Variants in ASIC2 observed in about 807,000 individuals in gnomAD.
The protein encoded by ASIC2 is acid sensing ion channel subunit 2.
ASIC2 carries 25 observed loss-of-function variants against 57.3 expected under a neutral mutation model. The observed-to-expected ratio is 0.44, with a 90% CI of 0.32 to 0.61. The LOEUF (loss-of-function observed/expected upper bound fraction) is 0.61. ASIC2 is among the 20% of genes least tolerant of loss of function. The probability of loss-of-function intolerance (pLI) is 0.06; values close to 1 mark genes in which losing one functional copy is unlikely to be tolerated. For missense variants in ASIC2, 641 were observed against 738.1 expected, an observed-to-expected ratio of 0.87 and a Z score of 1.52; for synonymous variants, 319 against 307.5, an observed-to-expected ratio of 1.04 and a Z score of -0.39.
chr17:33,738,648 A>G (rs2142096053), intron 1 of ASIC2, among the ~76,000 whole-genome samples: 1 of 152,150 alleles, frequency 6.6e-6, no homozygotes, highest in Non-Finnish European at 1.5e-5. Flanking sequence ...CTATCCCCAC[A>G]TCTACCAATT....
chr17:33,635,973 T>C (rs1022563776), intron 1 of ASIC2, among the ~76,000 whole-genome samples: 1 of 152,220 alleles, frequency 6.6e-6, no homozygotes, highest in Non-Finnish European at 1.5e-5. Flanking sequence ...TACAAAGTAA[T>C]AGTATGCAAC....
At position 33,044,690 on chromosome 17, in the gene ASIC2, T is replaced by C. The variant is rs150601033; in HGVS notation, c.988-16298A>G. The stretch of plus-strand genomic sequence containing the variant: ...TAAACATTTATTAAGCACTAATCTG[T>C]TCCAGAAACACTGCTAGGAATTGAG... On this transcript the variant is annotated intron_variant, in intron 3 of 9. Coordinates refer to ENST00000225823, the MANE Select transcript of ASIC2 (RefSeq NM_183377.2). Among the ~76,000 whole-genome samples the C allele has an allele frequency of 7.2e-5, 11 of 152,332 alleles. No individual in the cohort carries two copies. The East Asian group carries it at 2.1e-3, about 29-fold the overall frequency.
intron 1 of ASIC2, among the ~76,000 whole-genome samples, chr17:33,966,469 C>T (rs1173870557): frequency 6.6e-6 from 1 of 152,174 alleles, no homozygotes; most frequent in East Asian, 1.9e-4. Flanking sequence ...CACATTCATT[C>T]TGAAAACAAA....
chr17:33,563,094 C>T (rs991224901), intron 1 of ASIC2, among the ~76,000 whole-genome samples: 1 of 152,156 alleles, frequency 6.6e-6, no homozygotes, highest in Non-Finnish European at 1.5e-5. Flanking sequence ...CACAGCCAGC[C>T]ACCCGTCAAA....
At chr17:33,417,083 C>G (rs1232021583) in intron 1 of ASIC2, among the ~76,000 whole-genome samples, 1 of 152,156 alleles carries the variant, frequency 6.6e-6, no homozygotes. Flanking sequence ...GTAAAAGCAG[C>G]TCTTTACTGA....
intron 1 of ASIC2, among the ~76,000 whole-genome samples, chr17:33,839,182 G>A (rs776393106): frequency 8.5e-5 from 13 of 152,196 alleles, no homozygotes; most frequent in Admixed American, 3.9e-4. Flanking sequence ...ATTCTGGGGA[G>A]CATCTAAGAG....
chr17:33,577,609 A>G (rs1391653751), intron 1 of ASIC2, among the ~76,000 whole-genome samples: 3 of 152,172 alleles, frequency 2.0e-5, no homozygotes, highest in Non-Finnish European at 4.4e-5. Flanking sequence ...GAGCATTCTT[A>G]CCAACCACAG....
At chr17:33,105,271 C>T (rs1272101523) in intron 2 of ASIC2, among the ~76,000 whole-genome samples, 4 of 152,162 alleles carry the variant, frequency 2.6e-5, no homozygotes, top group African/African-American at 9.7e-5. Context: ...GTAGGTTTTA[C>T]TGTGCTGTTG....
chr17:34,066,022 A>G (rs2142064060), intron 1 of ASIC2, among the ~76,000 whole-genome samples: 1 of 152,194 alleles, frequency 6.6e-6, no homozygotes, highest in South Asian at 2.1e-4. Context: ...GTTAAGTACT[A>G]TTTTTCCCAT....
intron 1 of ASIC2, among the ~76,000 whole-genome samples, chr17:33,157,226 T>C (rs1222978164): frequency 6.6e-6 from 1 of 152,064 alleles, no homozygotes; most frequent in Non-Finnish European, 1.5e-5. Context: ...AACCAACCAA[T>C]CAGGGCTTCT....
chr17:33,164,568 ACATGCACG>A (rs1355636593), intron 1 of ASIC2, among the ~76,000 whole-genome samples: 1 of 103,206 alleles, frequency 9.7e-6, no homozygotes, highest in East Asian at 2.4e-4. Flanking sequence ...TCCCAAAAGC[ACATGCACG>A]CACACACACA....
chr17:34,133,046 G>C (rs2158261), intron 1 of ASIC2, among the ~76,000 whole-genome samples: 49,312 of 152,122 alleles, frequency 0.32, 8,892 homozygotes, highest in Middle Eastern at 0.45. Flanking sequence ...TATATGTAAA[G>C]GCAGAAGAGA....
chr17:34,043,840 T>C (rs889652038), intron 1 of ASIC2, among the ~76,000 whole-genome samples: 3 of 152,156 alleles, frequency 2.0e-5, no homozygotes, highest in Non-Finnish European at 4.4e-5. Flanking sequence ...TTGAGCTCTG[T>C]GACCTTGGAC....
chr17:33,070,117 G>A (rs1598262250), intron 3 of ASIC2, among the ~76,000 whole-genome samples: 1 of 152,062 alleles, frequency 6.6e-6, no homozygotes, highest in Non-Finnish European at 1.5e-5. Context: ...TAGCACTTCA[G>A]GCAGAGTAGA....
chr17:33,288,820 A>G (rs138967659), intron 1 of ASIC2, among the ~76,000 whole-genome samples: 117 of 152,312 alleles, frequency 7.7e-4, no homozygotes, highest in Non-Finnish European at 1.3e-3. Context: ...ACTCAAGAAT[A>G]GAGAGATTAA....
intron 1 of ASIC2, among the ~76,000 whole-genome samples, chr17:33,845,029 T>G (rs944972328): frequency 2.0e-5 from 3 of 152,176 alleles, no homozygotes; most frequent in African/African-American, 7.2e-5. Context: ...AAGCCTACAT[T>G]TTTAACCACA....
chr17:33,271,951 C>T (rs1459801839), intron 1 of ASIC2, among the ~76,000 whole-genome samples: 1 of 152,216 alleles, frequency 6.6e-6, no homozygotes. Flanking sequence ...CCACTGTCTT[C>T]CTCTTCTACT....
At chr17:33,039,143 C>T (rs1183340914) in intron 3 of ASIC2, among the ~76,000 whole-genome samples, 1 of 152,188 alleles carries the variant, frequency 6.6e-6, no homozygotes, top group African/African-American at 2.4e-5. Flanking sequence ...ACCTGGCTCA[C>T]CTGATACCCA....
chr17:33,578,955 A>T (rs901037342), intron 1 of ASIC2, among the ~76,000 whole-genome samples: 7 of 152,066 alleles, frequency 4.6e-5, no homozygotes, highest in Non-Finnish European at 1.0e-4. Flanking sequence ...CTGCATCCTC[A>T]CCTGGTCCTA....
Sources: allele counts gnomAD v4.1 joint callset (sites outside exome capture counted in the v4.1 genomes callset), GRCh38; gene constraint gnomAD v4.1.1; transcripts MANE v1.5; gene names NCBI Gene and HGNC (gene_info 2026-07-23, HGNC 2026-07-21).